SLC25A48: variants seen among roughly 807,000 people sequenced by gnomAD.
SLC25A48 encodes solute carrier family 25 member 48.
SLC25A48 carries 29 observed loss-of-function variants against 32.2 expected under a neutral mutation model. The observed-to-expected ratio is 0.90, with a 90% CI of 0.67 to 1.23. The LOEUF is 1.23. Among genes scored for constraint, SLC25A48 ranks in the 50% most tolerant of loss-of-function variants. SLC25A48 has a pLI of 0.00. For missense variants in SLC25A48, 399 were observed against 422.7 expected, an observed-to-expected ratio of 0.94 and a Z score of 0.49; for synonymous variants, 164 against 172.3, an observed-to-expected ratio of 0.95 and a Z score of 0.38.
At chr5:135,595,449 A>G (rs1397904927) in intron 1 of SLC25A48, among the ~76,000 whole-genome samples, 3 of 152,194 alleles carry the variant, frequency 2.0e-5, no homozygotes, top group Non-Finnish European at 4.4e-5. Context: ...CAATGGACAG[A>G]CACCACTCAC....
intron 6 of SLC25A48, among the ~76,000 whole-genome samples, chr5:135,877,147 G>A (rs564720047): frequency 6.6e-5 from 10 of 152,264 alleles, no homozygotes; most frequent in African/African-American, 2.2e-4. Context: ...CCATGGACTT[G>A]TCGAGGCATC....
chr5:135,733,184 G>A (rs922502002), intron 3 of SLC25A48, among the ~76,000 whole-genome samples: 7 of 152,214 alleles, frequency 4.6e-5, no homozygotes, highest in Admixed American at 3.3e-4. Context: ...GGGGGGCAGA[G>A]CAGTAGCCTC....
At chr5:135,725,200 T>C (rs1484404379) in intron 3 of SLC25A48, among the ~76,000 whole-genome samples, 1 of 152,224 alleles carries the variant, frequency 6.6e-6, no homozygotes, top group African/African-American at 2.4e-5. Flanking sequence ...TGGGGTTAAC[T>C]GAGGGAATAA....
At chr5:135,819,317 T>TA (rs1288377421) in intron 4 of SLC25A48, among the ~76,000 whole-genome samples, 2 of 152,256 alleles carry the variant, frequency 1.3e-5, no homozygotes, top group African/African-American at 4.8e-5. Flanking sequence ...TGTTACCACT[T>TA]ACAAAGCTTA....
chr5:135,701,489 C>T (rs138034148), intron 3 of SLC25A48, among the ~76,000 whole-genome samples: 2 of 152,318 alleles, frequency 1.3e-5, no homozygotes, highest in African/African-American at 4.8e-5. Flanking sequence ...CCGGCCCCCA[C>T]CACATATACA....
chr5:135,766,361 G>C (rs1323068555), intron 3 of SLC25A48, among the ~76,000 whole-genome samples: 1 of 151,564 alleles, frequency 6.6e-6, no homozygotes, highest in Non-Finnish European at 1.5e-5. Context: ...TCAAGGGGGG[G>C]GGAAGAATGA....
intron 1 of SLC25A48, among the ~76,000 whole-genome samples, chr5:135,838,970 CA>C (rs1256670338): frequency 6.6e-6 from 1 of 152,196 alleles, no homozygotes; most frequent in Non-Finnish European, 1.5e-5. Flanking sequence ...AGAGAGCCAC[CA>C]TCCTCCAGAC....
At chr5:135,845,264 C>T (rs996721145) in intron 2 of SLC25A48, among the ~76,000 whole-genome samples, 1 of 152,242 alleles carries the variant, frequency 6.6e-6, no homozygotes, top group Non-Finnish European at 1.5e-5. Context: ...CCCTCTGAGT[C>T]TCTGTGTGTC....
At position 135,789,206 on chromosome 5, in the gene SLC25A48, G is replaced by GGTGAGTGTACACCGCCCC. The variant is rs1580881634; in HGVS notation, c.-520-23317_-520-23316insGTGAGTGTACACCGCCCC. On this transcript the variant is annotated intron_variant, in intron 3 of 10. Coordinates refer to the SLC25A48 transcript ENST00000646290. The stretch of plus-strand genomic sequence containing the variant: ...TTGCGGTGGGTGTACACCCTCCCCC[G>GGTGAGTGTACACCGCCCC]CCACGATATGGTTTGTAATATTTAA... 2.2e-3 allele frequency among the ~76,000 whole-genome samples: 301 copies of GGTGAGTGTACACCGCCCC among 138,374 alleles called. 1 individual carries two copies. Among genetic ancestry groups the GGTGAGTGTACACCGCCCC allele is most frequent in the Non-Finnish European group, 2.8e-3 (177 of 63,970 alleles). The allele number at this position is 138,374 out of a possible 152,430, so 90.8% of individuals were successfully genotyped here.
chr5:135,739,573 G>C (rs1024032014), intron 3 of SLC25A48, among the ~76,000 whole-genome samples: 1 of 152,222 alleles, frequency 6.6e-6, no homozygotes, highest in Admixed American at 6.5e-5. Flanking sequence ...CATAGAGTTA[G>C]AGCCAAGCTT....
intron 3 of SLC25A48, among the ~76,000 whole-genome samples, chr5:135,758,379 A>C (rs1755975246): frequency 6.6e-6 from 1 of 150,840 alleles, no homozygotes; most frequent in South Asian, 2.1e-4. Context: ...TAGTGTTAAC[A>C]TACTGTGATA....
Position 135,879,850 on chromosome 5 carries a change from G to A in SLC25A48, c.814-118G>A, listed in dbSNP as rs1423817762. On this transcript the variant is annotated intron_variant, in intron 6 of 7. Transcript: ENST00000681962. ...GTCTCTGCCTGCACAGGTCCTTTGG[G>A]CTCTGGTGGGGGACCGGGCCTGGGT... 3 of 1,403,136 alleles carry A rather than the reference G, an allele frequency of 2.1e-6. No individual in the cohort carries two copies. The East Asian group carries it at 7.5e-5, about 35-fold the overall frequency. The allele number at this position is 1,403,136 out of a possible 1,614,324, so 86.9% of individuals were successfully genotyped here. A position where few individuals can be genotyped will look rare whatever the true frequency, so the allele number is the denominator to read the frequency against.
At chr5:135,855,599 A>G (rs1257566881) in intron 4 of SLC25A48, among the ~76,000 whole-genome samples, 1 of 152,230 alleles carries the variant, frequency 6.6e-6, no homozygotes, top group Non-Finnish European at 1.5e-5. Context: ...CAAATATTGC[A>G]GTACCCAGTG....
chr5:135,694,260 A>C (rs978986475), intron 3 of SLC25A48, among the ~76,000 whole-genome samples: 1 of 152,168 alleles, frequency 6.6e-6, no homozygotes, highest in Non-Finnish European at 1.5e-5. Context: ...ACCGCTGAGT[A>C]CACAGATGTG....
chr5:135,687,923 C>A (rs758849845), intron 3 of SLC25A48, among the ~76,000 whole-genome samples: 2 of 121,458 alleles, frequency 1.6e-5, no homozygotes, highest in African/African-American at 3.1e-5. Flanking sequence ...TAATATAAAA[C>A]CATATTAACC....
rs537152418 is a variant in SLC25A48, at chr5:135,718,981, A to G, written c.-521+84025A>G. ...TTGAACACACACATAAATGAGTACAACTGGGGAGGTTTGAAGATCGGTGGA... is the reference window on the plus strand; with the variant it reads ...TTGAACACACACATAAATGAGTACAGCTGGGGAGGTTTGAAGATCGGTGGA... On this transcript the variant is annotated intron_variant, in intron 3 of 10. Coordinates refer to the SLC25A48 transcript ENST00000646290. Among the ~76,000 whole-genome samples, 45 of 152,154 alleles carry G rather than the reference A, an allele frequency of 3.0e-4. 1 individual carries two copies. In the South Asian group the frequency reaches 8.7e-3, roughly 29 times the overall value.
intron 4 of SLC25A48, among the ~76,000 whole-genome samples, chr5:135,869,388 A>C (rs570228011): frequency 3.9e-4 from 59 of 152,242 alleles, no homozygotes; most frequent in African/African-American, 1.4e-3. Flanking sequence ...AATGAGAGAG[A>C]ATTTCCTTAT....
In SLC25A48 at chr5:135,755,819, A is replaced by G. The variant is rs1195066108; in HGVS notation, c.-520-56704A>G. On this transcript the variant is annotated intron_variant, in intron 3 of 10. Transcript: ENST00000646290. ...GAAATATCGCTGCGACATTTATCTC[A>G]TATCTAATGTCAATGCAGTGTAGTA... Among the ~76,000 whole-genome samples, 4 of 151,398 alleles carry G rather than the reference A, an allele frequency of 2.6e-5. No individual in the cohort carries two copies. The South Asian group carries it at 6.3e-4, about 24-fold the overall frequency.
intron 1 of SLC25A48, among the ~76,000 whole-genome samples, chr5:135,591,592 C>T (rs949709395): frequency 3.3e-5 from 5 of 152,218 alleles, no homozygotes; most frequent in Admixed American, 2.0e-4. Flanking sequence ...CTCCAGCCTA[C>T]GCAGCTCCCA....
Sources: allele counts gnomAD v4.1 joint callset (sites outside exome capture counted in the v4.1 genomes callset), GRCh38; gene constraint gnomAD v4.1.1; transcripts MANE v1.5; gene names NCBI Gene and HGNC (gene_info 2026-07-23, HGNC 2026-07-21).